Variants in FSHR observed in about 807,000 individuals in gnomAD.
FSHR encodes the protein follicle-stimulating hormone receptor.
In FSHR, 46 loss-of-function variants were observed where a neutral mutation model predicts 52.1. The ratio of observed to expected loss-of-function variants is 0.88; its 90% CI spans 0.70 to 1.13. FSHR has a LOEUF of 1.13. Among genes scored for constraint, FSHR ranks in the 50% most tolerant of loss-of-function variants. The pLI, the probability that FSHR is intolerant of heterozygous loss-of-function variation, is 0.00. For synonymous variants in FSHR, 399 were observed against 309.6 expected (o/e 1.29, Z -3.03); for missense variants, 964 against 834.6 (o/e 1.16, Z -1.91).
chr2:48,998,348 AATTT>A (rs1676116843), intron 4 of FSHR, among the ~76,000 whole-genome samples: 1 of 152,140 alleles, frequency 6.6e-6, no homozygotes, highest in Non-Finnish European at 1.5e-5. Context: ...GGAAATTGTT[AATTT>A]ATTGCTGAAA....
At chr2:49,130,477 C>A (rs1672224656) in intron 1 of FSHR, among the ~76,000 whole-genome samples, 1 of 152,318 alleles carries the variant, frequency 6.6e-6, no homozygotes, top group South Asian at 2.1e-4. Context: ...GCCATTCTGT[C>A]AGCCTAGAGA....
chr2:49,068,109 T>G (rs1215946176), intron 2 of FSHR, 110 bp downstream of exon 2: 1 of 838,554 alleles, frequency 1.2e-6, no homozygotes, highest in East Asian at 2.5e-5. Flanking sequence ...AAAGTTTGGC[T>G]GACCATGTCA....
intron 8 of FSHR, among the ~76,000 whole-genome samples, chr2:48,981,814 T>C (rs184779825): frequency 1.1e-4 from 17 of 152,272 alleles, no homozygotes; most frequent in Admixed American, 3.3e-4. Flanking sequence ...GATAGATGGT[T>C]GGTCGGTAGG....
At chr2:48,968,264 G>A (rs760728976) in intron 9 of FSHR, among the ~76,000 whole-genome samples, 1 of 152,192 alleles carries the variant, frequency 6.6e-6, no homozygotes, top group African/African-American at 2.4e-5. Context: ...ATGTGCGGCA[G>A]ATATGTACAT....
At chr2:49,064,087 T>TGTGTGTGTGTG (rs1553340244) in intron 2 of FSHR, among the ~76,000 whole-genome samples, 2 of 151,756 alleles carry the variant, frequency 1.3e-5, no homozygotes, top group South Asian at 2.1e-4. Context: ...TGTGTGTGTG[T>TGTGTGTGTGTG]TTGCACATGC....
chr2:48,989,897 A>G (rs541296179), intron 5 of FSHR, among the ~76,000 whole-genome samples: 1 of 152,296 alleles, frequency 6.6e-6, no homozygotes, highest in East Asian at 1.9e-4. Context: ...TAACAGCTGT[A>G]CAAGTAGTGT....
intron 1 of FSHR, among the ~76,000 whole-genome samples, chr2:49,078,406 T>G (rs1670034967): frequency 6.6e-6 from 1 of 152,138 alleles, no homozygotes; most frequent in Non-Finnish European, 1.5e-5. Flanking sequence ...TATCAGCTAG[T>G]AAAAGAAGTA....
intron 2 of FSHR, among the ~76,000 whole-genome samples, chr2:49,052,003 G>A (rs995620115): frequency 2.0e-5 from 3 of 151,976 alleles, no homozygotes; most frequent in African/African-American, 4.8e-5. Context: ...TAGATGATGA[G>A]AGAACATTTC....
chr2:48,980,164 G>C (rs1675182490), intron 8 of FSHR, among the ~76,000 whole-genome samples: 1 of 152,188 alleles, frequency 6.6e-6, no homozygotes, highest in African/African-American at 2.4e-5. Context: ...TTGGCCCCAG[G>C]GGGAAAAGAG....
intron 2 of FSHR, among the ~76,000 whole-genome samples, chr2:49,034,800 G>A (rs187896000): frequency 3.2e-4 from 49 of 151,958 alleles, no homozygotes; most frequent in Non-Finnish European, 1.8e-4. Context: ...ACTCATAATC[G>A]ACTTGATACA....
chr2:49,080,983 G>A (rs1050451532), intron 1 of FSHR, among the ~76,000 whole-genome samples: 2 of 152,134 alleles, frequency 1.3e-5, no homozygotes, highest in African/African-American at 2.4e-5. Flanking sequence ...CCAATCTTAA[G>A]CTGTTTACCT....
intron 4 of FSHR, among the ~76,000 whole-genome samples, chr2:49,007,492 T>G (rs1251051526): frequency 1.3e-5 from 2 of 152,140 alleles, no homozygotes; most frequent in African/African-American, 2.4e-5. Flanking sequence ...GGACCACTAG[T>G]GTTGAAAATA....
rs79974348 is a variant in FSHR, at chr2:48,984,594, T to G, written c.525-1428A>C. On this transcript the variant is annotated intron_variant, in intron 6 of 9. Transcript: ENST00000406846. ...AAGTGTAATAATTGGGTATTTTTTT[T>G]TTTTGTAATATAGGCCTAATATTGA... Among the ~76,000 whole-genome samples, 7 of 151,818 alleles carry G rather than the reference T, an allele frequency of 4.6e-5. No individual in the cohort carries two copies. In the East Asian group the frequency reaches 1.4e-3, roughly 29 times the overall value.
In FSHR at chr2:48,987,583, G is replaced by T. The variant is rs1258916608; in HGVS notation, c.524+1394C>A. 2.0e-5 allele frequency among the ~76,000 whole-genome samples: 3 copies of T among 152,042 alleles called. No individual in the cohort carries two copies. The South Asian group carries it at 6.2e-4, about 32-fold the overall frequency. ...ATTCTGTTCCCTCTGCACGCCCTTT[G>T]CCAATTCCCTAGCTAACTACTGCTC... On this transcript the variant is annotated intron_variant, in intron 6 of 9. Coordinates refer to ENST00000406846, the MANE Select transcript of FSHR (RefSeq NM_000145.4).
At chr2:48,987,874 C>T (rs1290528354) in intron 6 of FSHR, among the ~76,000 whole-genome samples, 1 of 139,450 alleles carries the variant, frequency 7.2e-6, no homozygotes, top group African/African-American at 2.9e-5. Context: ...ACACACACCC[C>T]TTCACTTCAA....
chr2:48,963,724 C>T lies in FSHR; in HGVS notation c.1097G>A (p.Arg366Lys). ...CEDIMGYNILRVLIWFISILA... is the reference protein window; with the variant it reads ...CEDIMGYNILKVLIWFISILA... ...GATGCTGATAAACCATATCAGGACT[C>T]TGAGGATGTTGTACCCCATGATATC... The change falls in exon 10 of 10, where the codon AGA becomes AAA. Residue 366 changes from arginine to lysine, a missense_variant. Coordinates refer to ENST00000406846, the MANE Select transcript of FSHR (RefSeq NM_000145.4). 6.2e-7 allele frequency: 1 copy of T among 1,614,164 alleles called. No homozygotes were observed.
chr2:48,998,709 G>C (rs868719806), intron 4 of FSHR, among the ~76,000 whole-genome samples: 32 of 151,754 alleles, frequency 2.1e-4, no homozygotes, highest in Admixed American at 2.6e-4. Context: ...GTGAAGTTTT[G>C]TTCTCAACTT....
chr2:49,013,513 T>TAAATAAATATATATATATAA (rs36099655), intron 4 of FSHR, among the ~76,000 whole-genome samples: 1 of 136,588 alleles, frequency 7.3e-6, no homozygotes, highest in South Asian at 2.2e-4. Flanking sequence ...TATATATATA[T>TAAATAAATATATATATATAA]ATAAATATAT....
chr2:49,109,424 T>A (rs957310086), intron 1 of FSHR, among the ~76,000 whole-genome samples: 1 of 152,138 alleles, frequency 6.6e-6, no homozygotes, highest in Non-Finnish European at 1.5e-5. Context: ...ATGGCCAGAT[T>A]TATGCTCTTT....
Sources: allele counts gnomAD v4.1 joint callset (sites outside exome capture counted in the v4.1 genomes callset), GRCh38; gene constraint gnomAD v4.1.1; transcripts MANE v1.5; gene names NCBI Gene and HGNC (gene_info 2026-07-23, HGNC 2026-07-21).